TBCA: variants seen among roughly 807,000 people sequenced by gnomAD.
The protein encoded by TBCA is tubulin-specific chaperone A.
In TBCA, 6 loss-of-function variants were observed where a neutral mutation model predicts 15.8. That is an observed-to-expected ratio of 0.38 (90% CI 0.21 to 0.75). The LOEUF is 0.75. TBCA is among the 30% of genes least tolerant of loss of function. The probability of loss-of-function intolerance (pLI) is 0.46; values close to 1 mark genes in which losing one functional copy is unlikely to be tolerated. For synonymous variants in TBCA, 32 were observed against 42.3 expected (o/e 0.76, Z 0.94); for missense variants, 90 against 131.2 (o/e 0.69, Z 1.53).
intron 1 of TBCA, among the ~76,000 whole-genome samples, chr5:77,721,875 C>T (rs1253965217): frequency 6.6e-6 from 1 of 152,042 alleles, no homozygotes; most frequent in Non-Finnish European, 1.5e-5. Flanking sequence ...GGTCATTTTA[C>T]AGCCTGACTT....
chr5:77,765,189 T>C (rs1300092487), intron 1 of TBCA, among the ~76,000 whole-genome samples: 1 of 152,224 alleles, frequency 6.6e-6, no homozygotes, highest in Non-Finnish European at 1.5e-5. Flanking sequence ...ACATTCAATC[T>C]GTTGCAGTAT....
At chr5:77,741,443 T>G (rs1422444791) in intron 1 of TBCA, among the ~76,000 whole-genome samples, 1 of 152,130 alleles carries the variant, frequency 6.6e-6, no homozygotes. Context: ...ATAAGGATAG[T>G]AGGGGTGCGA....
At chr5:77,769,507 CAGTATAATAT>C (rs1747857693) in intron 1 of TBCA, among the ~76,000 whole-genome samples, 1 of 152,052 alleles carries the variant, frequency 6.6e-6, no homozygotes, top group Non-Finnish European at 1.5e-5. Flanking sequence ...CTTTTTATAT[CAGTATAATAT>C]ATATTGAACT....
At chr5:77,761,712 G>C (rs972643767) in intron 1 of TBCA, among the ~76,000 whole-genome samples, 5 of 124,470 alleles carry the variant, frequency 4.0e-5, no homozygotes, top group Admixed American at 1.6e-4. Flanking sequence ...TTTTTTTTTT[G>C]GCTAGTGTAA....
At chr5:77,699,953 G>C (rs750141049) in intron 2 of TBCA, among the ~76,000 whole-genome samples, 2 of 147,608 alleles carry the variant, frequency 1.4e-5, no homozygotes, top group Admixed American at 7.0e-5. Flanking sequence ...CAGGAGAATT[G>C]CTTGAACCTG....
chr5:77,715,127 G>C (rs1746368918), intron 1 of TBCA: 3 of 638,588 alleles, frequency 4.7e-6, no homozygotes, highest in Non-Finnish European at 5.5e-6. Context: ...ATTTCAAAGA[G>C]GCAATAAGCT....
intron 1 of TBCA, among the ~76,000 whole-genome samples, chr5:77,714,169 A>T (rs112878659): frequency 4.6e-5 from 7 of 152,060 alleles, no homozygotes; most frequent in African/African-American, 1.7e-4. Context: ...AAAATACAAA[A>T]ATTAGTCAGG....
intron 1 of TBCA, among the ~76,000 whole-genome samples, chr5:77,745,979 A>G (rs981368732): frequency 7.9e-5 from 12 of 152,222 alleles, no homozygotes; most frequent in African/African-American, 2.9e-4. Context: ...TGTTGGGTAA[A>G]GGATTAGTTG....
At chr5:77,750,925 T>A (rs952667319) in intron 1 of TBCA, among the ~76,000 whole-genome samples, 1 of 152,112 alleles carries the variant, frequency 6.6e-6, no homozygotes, top group East Asian at 1.9e-4. Flanking sequence ...CATATTCTGA[T>A]TAGCAATTGG....
In TBCA at chr5:77,776,300, T is replaced by C. The variant is rs1314191738; in HGVS notation, c.-43A>G. The C allele has an allele frequency of 6.4e-6, 10 of 1,558,474 alleles. 1 individual carries two copies. The East Asian group carries it at 1.9e-4, about 30-fold the overall frequency. On this transcript the variant is annotated 5_prime_UTR_variant, in exon 1 of 4. Coordinates refer to ENST00000380377, the MANE Select transcript of TBCA (RefSeq NM_004607.3). ...GAGAAGGAGGGGCGGAGAGCCGGGG[T>C]AACCGTGGAGGGCGACGCGCAGAGG...
chr5:77,715,167 GC>G (rs2112448245), intron 1 of TBCA: 1 of 686,196 alleles, frequency 1.5e-6, no homozygotes, highest in Admixed American at 2.2e-5. Context: ...GAAGTTATAG[GC>G]CAAGGGATCT....
intron 1 of TBCA, chr5:77,708,576 T>TC (rs978642456): frequency 7.5e-6 from 2 of 266,546 alleles, no homozygotes; most frequent in Non-Finnish European, 1.4e-5. Flanking sequence ...AGCATGAAAT[T>TC]CTTTTTTTTC....
chr5:77,755,276 C>G (rs1437268637), intron 1 of TBCA, among the ~76,000 whole-genome samples: 1 of 152,244 alleles, frequency 6.6e-6, no homozygotes, highest in African/African-American at 2.4e-5. Context: ...ATTTGCCCAT[C>G]AGTTTAAAAT....
chr5:77,756,874 G>A (rs942347615), intron 1 of TBCA, among the ~76,000 whole-genome samples: 1 of 152,162 alleles, frequency 6.6e-6, no homozygotes, highest in African/African-American at 2.4e-5. Context: ...AAAAACAGGT[G>A]AATGCACCTT....
chr5:77,727,617 G>A (rs887741364), intron 1 of TBCA, among the ~76,000 whole-genome samples: 3 of 152,044 alleles, frequency 2.0e-5, no homozygotes, highest in South Asian at 2.1e-4. Flanking sequence ...TACACAAATC[G>A]AAGAACTCTG....
In TBCA at chr5:77,704,140, T is replaced by C. The variant is rs369668019; in HGVS notation, c.159+4102A>G. Reference sequence around the variant, plus strand: ...TTACCCAGTCTCAGGTAGTTCTATATAGCAGTATGAAAATGGACTAATGCA... The same window carrying C: ...TTACCCAGTCTCAGGTAGTTCTATACAGCAGTATGAAAATGGACTAATGCA... On this transcript the variant is annotated intron_variant, in intron 2 of 3. Coordinates refer to ENST00000380377, the MANE Select transcript of TBCA (RefSeq NM_004607.3). 1.5e-4 allele frequency among the ~76,000 whole-genome samples: 23 copies of C among 152,328 alleles called. No homozygotes were observed. In the East Asian group the frequency reaches 3.7e-3, roughly 24 times the overall value.
intron 1 of TBCA, among the ~76,000 whole-genome samples, chr5:77,730,361 C>CAA (rs1318309581): frequency 3.9e-5 from 6 of 152,130 alleles, no homozygotes; most frequent in Non-Finnish European, 7.4e-5. Flanking sequence ...ACATCACTGC[C>CAA]AACTGTTAAG....
At chr5:77,693,713 C>T (rs537929001) in intron 2 of TBCA, 3 of 196,210 alleles carry the variant, frequency 1.5e-5, no homozygotes, top group South Asian at 1.5e-4. Context: ...GCAGGAGAAT[C>T]GCTTGAACCC....
intron 1 of TBCA, among the ~76,000 whole-genome samples, chr5:77,739,444 G>A (rs1177542805): frequency 6.6e-6 from 1 of 152,190 alleles, no homozygotes; most frequent in Non-Finnish European, 1.5e-5. Flanking sequence ...CAGAGTGAGT[G>A]AGGCGCTGTC....
Sources: allele counts gnomAD v4.1 joint callset (sites outside exome capture counted in the v4.1 genomes callset), GRCh38; gene constraint gnomAD v4.1.1; transcripts MANE v1.5; gene names NCBI Gene and HGNC (gene_info 2026-07-23, HGNC 2026-07-21).